Variants in VPS13D observed in about 807,000 individuals in gnomAD.
VPS13D encodes intermembrane lipid transfer protein VPS13D.
A neutral mutation model predicts 461.9 loss-of-function variants in VPS13D; 187 were observed. The observed-to-expected ratio is 0.40, with a 90% confidence interval of 0.36 to 0.46. VPS13D has a LOEUF of 0.46. VPS13D is among the 20% of genes least tolerant of loss of function. The pLI, the probability that VPS13D is intolerant of heterozygous loss-of-function variation, is 0.60. For missense variants in VPS13D, 4,711 were observed against 5,364.9 expected, an observed-to-expected ratio of 0.88 and a Z score of 3.81; for synonymous variants, 1,951 against 1,986.3, an observed-to-expected ratio of 0.98 and a Z score of 0.47.
intron 44 of VPS13D, 74 bp from the exon 45 acceptor site, chr1:12,348,749 T>G: frequency 6.4e-7 from 1 of 1,553,158 alleles, no homozygotes; most frequent in Non-Finnish European, 8.8e-7. Context: ...AAGGTAGACA[T>G]TCTGATCGAT....
chr1:12,324,155 C>T lies in VPS13D; in HGVS notation c.7990+375C>T, dbSNP rs538341452. Among the ~76,000 whole-genome samples, 25 of 152,222 alleles carry T rather than the reference C, an allele frequency of 1.6e-4. 1 individual carries two copies. In the South Asian group the frequency reaches 4.6e-3, roughly 28 times the overall value. On this transcript the variant is annotated intron_variant, in intron 35 of 69. Transcript: ENST00000620676. ...AACTCCTGACTTCAAGTGATCTGCC[C>T]GCTTTGGCCTCCCAAAATGCCGGGA... is the stretch of plus-strand genomic sequence containing the variant.
rs1190237940 is a variant in VPS13D, at chr1:12,287,578, C to CA, written c.5635-639dup. Among the ~76,000 whole-genome samples, 5 of 151,864 alleles carry CA rather than the reference C, an allele frequency of 3.3e-5. No individual in the cohort carries two copies. In the East Asian group the frequency reaches 9.6e-4, roughly 29 times the overall value. On this transcript the variant is annotated intron_variant, in intron 21 of 69. Coordinates refer to ENST00000620676, the MANE Select transcript of VPS13D (RefSeq NM_015378.4). ...TTGTCCCCTGTGATGTTACTCAAAG[C>CA]AAAAAAGGTTGTTGGGAACTGACTC...
At chr1:12,398,565 T>A (rs1445083748) in intron 60 of VPS13D, among the ~76,000 whole-genome samples, 1 of 152,156 alleles carries the variant, frequency 6.6e-6, no homozygotes, top group African/African-American at 2.4e-5. Context: ...TCCTCTTTCC[T>A]CTTCCTGGTG....
chr1:12,284,825 C>G (rs1641913700), intron 21 of VPS13D, among the ~76,000 whole-genome samples: 1 of 152,198 alleles, frequency 6.6e-6, no homozygotes, highest in African/African-American at 2.4e-5. Context: ...TGGGAAAGGA[C>G]CAGCTTACCT....
Position 12,473,522 on chromosome 1 carries a change from T to C in VPS13D, c.12662+13126T>C, listed in dbSNP as rs910838081. Among the ~76,000 whole-genome samples the C allele has an allele frequency of 2.0e-5, 3 of 151,996 alleles. No individual in the cohort carries two copies. The highest frequency in any genetic ancestry group is 4.4e-5 in the Non-Finnish European group (3 of 68,010). ...GGAACAAGTTTTTCCCCTCTTAATC[T>C]CTCTGAGATGAGATTCCTTTGAGTC... On this transcript the variant is annotated intron_variant, in intron 67 of 69. Transcript: ENST00000620676. The surrounding 1 kb of genome is among the most constrained non-coding windows in gnomAD (Gnocchi z 4.2).
At chr1:12,231,789 AC>A (rs1639982390) in intron 1 of VPS13D, among the ~76,000 whole-genome samples, 10 of 152,160 alleles carry the variant, frequency 6.6e-5, no homozygotes, top group Non-Finnish European at 1.2e-4. Flanking sequence ...AGGATTTCAG[AC>A]CAGCCTGGCC....
At chr1:12,254,127 A>G (rs797005295) in intron 7 of VPS13D, among the ~76,000 whole-genome samples, 12 of 152,354 alleles carry the variant, frequency 7.9e-5, no homozygotes, top group African/African-American at 2.6e-4. Flanking sequence ...CTTCCAATTC[A>G]TTGCTCTGAC....
intron 10 of VPS13D, among the ~76,000 whole-genome samples, chr1:12,259,864 A>G (rs1488503845): frequency 1.3e-5 from 2 of 152,124 alleles, no homozygotes; most frequent in Non-Finnish European, 2.9e-5. Context: ...GGGCCTGCAC[A>G]CTTCCTGTGG....
Position 12,369,481 on chromosome 1 carries a change from T to C in VPS13D, c.10587T>C (p.Phe3529=). 1 of 1,614,160 alleles carries C rather than the reference T, an allele frequency of 6.2e-7. No homozygotes were observed. Among genetic ancestry groups the C allele is most frequent in the South Asian group, 1.1e-5 (1 of 91,076 alleles). The change falls in exon 54 of 70, where the codon TTT becomes TTC. Residue 3529 remains phenylalanine, a synonymous_variant. Transcript: ENST00000620676. ...IDNFSKVPVV[F]TQHGVAEPRL... ...CATCACTCTAGGTCCCGGTTGTCTTTACTCAGCATGGCGTAGCTGAACCCA... is the reference window on the plus strand; with the variant it reads ...CATCACTCTAGGTCCCGGTTGTCTTCACTCAGCATGGCGTAGCTGAACCCA...
At chr1:12,492,390 C>A (rs1255491555) in intron 67 of VPS13D, among the ~76,000 whole-genome samples, 1 of 152,244 alleles carries the variant, frequency 6.6e-6, no homozygotes, top group African/African-American at 2.4e-5. Flanking sequence ...CCAGTGCTAT[C>A]CAAAATACAA....
intron 5 of VPS13D, 22 bp downstream of exon 5, chr1:12,244,639 AAAAGTATCAACGTG>A (rs746671183): frequency 6.2e-7 from 1 of 1,601,920 alleles, no homozygotes; most frequent in South Asian, 1.1e-5. Context: ...TGACTTTTAT[AAAAGTATCAACGTG>A]AAAGGGATTT....
chr1:12,249,275 C>T lies in VPS13D; in HGVS notation c.500C>T (p.Ser167Phe), dbSNP rs866215608. Residue 167 changes from serine to phenylalanine, a missense_variant, in exon 6 of 70, where the codon TCC (serine) becomes TTC (phenylalanine). Ser to Phe is a radical substitution (Grantham distance 155). This residue lies in a region of VPS13D where 4,411 missense variants were observed against 4,937.8 expected (regional missense o/e 0.89). Coordinates refer to ENST00000620676, the MANE Select transcript of VPS13D (RefSeq NM_015378.4). ...TTTGAAGATGGTGTCACCAATCCCT[C>T]CCATCCTTTTGCTTTTGGCATCTGC... is the stretch of plus-strand genomic sequence containing the variant. ...LRFEDGVTNP[S>F]HPFAFGICIK... The T allele has an allele frequency of 6.2e-7, 1 of 1,614,020 alleles. No homozygotes were observed. Among genetic ancestry groups the T allele is most frequent in the Non-Finnish European group, 8.5e-7 (1 of 1,179,990 alleles).
At chr1:12,397,433 G>A (rs1023916983) in intron 60 of VPS13D, among the ~76,000 whole-genome samples, 10 of 152,186 alleles carry the variant, frequency 6.6e-5, no homozygotes, top group Non-Finnish European at 1.2e-4. Flanking sequence ...TCTCAGTTAC[G>A]ACGCCTTGTG....
chr1:12,393,152 C>T (rs770644441), intron 60 of VPS13D, among the ~76,000 whole-genome samples: 1 of 152,198 alleles, frequency 6.6e-6, no homozygotes, highest in Admixed American at 6.5e-5. Context: ...ATTTCCTATC[C>T]TCTGGCACGC....
chr1:12,278,702 C>G (rs1260536519), intron 19 of VPS13D, among the ~76,000 whole-genome samples: 1 of 152,202 alleles, frequency 6.6e-6, no homozygotes, highest in Non-Finnish European at 1.5e-5. Flanking sequence ...TTTCTGTTCC[C>G]AAGCTGTCGA....
chr1:12,445,833 C>T (rs926338549), intron 65 of VPS13D, among the ~76,000 whole-genome samples: 14 of 152,202 alleles, frequency 9.2e-5, no homozygotes, highest in African/African-American at 3.4e-4. Context: ...ACCTCCCATT[C>T]CCATTCTACC....
intron 55 of VPS13D, among the ~76,000 whole-genome samples, chr1:12,374,823 T>C (rs954630134): frequency 6.6e-6 from 1 of 152,134 alleles, no homozygotes. Context: ...CTACAACCTC[T>C]GCCTCCTGGG....
chr1:12,311,852 C>T lies in VPS13D; in HGVS notation c.6862C>T (p.Leu2288Phe). The change falls in exon 29 of 70, where the codon CTC (leucine) becomes TTC (phenylalanine). Residue 2288 changes from leucine (L) to phenylalanine (F), a missense_variant. Transcript: ENST00000620676. ...AGAAGTGTACACCTGTATGTGCTTCCTCATTGATATGGTGAATGTAAGTCT... is the reference window on the plus strand; with the variant it reads ...AGAAGTGTACACCTGTATGTGCTTCTTCATTGATATGGTGAATGTAAGTCT... The part of the protein sequence containing the change: ...SGEVYTCMCF[L>F]IDMVNVSLEL... 6.2e-7 allele frequency: 1 copy of T among 1,614,134 alleles called. No individual in the cohort carries two copies. The highest frequency in any genetic ancestry group is 8.5e-7 in the Non-Finnish European group (1 of 1,180,006).
At position 12,362,114 on chromosome 1, in the gene VPS13D, C is replaced by T. The variant is rs1323654233; in HGVS notation, c.10142-606C>T. On this transcript the variant is annotated intron_variant, in intron 50 of 69. Transcript: ENST00000620676. ...CTGACCTCAAATGATCCACCCATCT[C>T]GGCCTCCCAAAGTGCTGGGATTACA... 3.3e-5 allele frequency among the ~76,000 whole-genome samples: 5 copies of T among 152,118 alleles called. No individual in the cohort carries two copies. The East Asian group carries it at 5.8e-4, about 18-fold the overall frequency.
Sources: allele counts gnomAD v4.1 joint callset (sites outside exome capture counted in the v4.1 genomes callset), GRCh38; gene constraint gnomAD v4.1.1; regional missense constraint gnomAD v4.1.1; non-coding constraint Gnocchi (gnomAD v3.1); transcripts MANE v1.5; gene names NCBI Gene and HGNC (gene_info 2026-07-23, HGNC 2026-07-21).